The following CSMD2 variants were observed in gnomAD, a reference collection of about 807,000 sequenced individuals.
The protein encoded by CSMD2 is CUB and sushi domain-containing protein 2.
Under a neutral mutation model 398.5 loss-of-function variants are expected in CSMD2, and 130 were observed. The ratio of observed to expected loss-of-function variants is 0.33; its 90% CI spans 0.28 to 0.38. CSMD2 has a LOEUF of 0.38. Ranked by LOEUF, CSMD2 falls within the 10% of genes least tolerant of loss-of-function variation. The pLI is 1.00. For missense variants in CSMD2, 3,829 were observed against 4,764.9 expected, an observed-to-expected ratio of 0.80 and a Z score of 5.78; for synonymous variants, 1,828 against 1,908.5, an observed-to-expected ratio of 0.96 and a Z score of 1.10.
intron 53 of CSMD2, among the ~76,000 whole-genome samples, chr1:33,565,788 C>T (rs1659001589): frequency 6.6e-6 from 1 of 151,876 alleles, no homozygotes; most frequent in African/African-American, 2.4e-5. Context: ...TAAAAACCAC[C>T]ATGAAAATCA....
Position 33,583,796 on chromosome 1 carries a change from G to A in CSMD2, c.7086C>T (p.Ser2362=). The A allele has an allele frequency of 6.2e-7, 1 of 1,614,144 alleles. No individual in the cohort carries two copies. Among genetic ancestry groups the A allele is most frequent in the Non-Finnish European group, 8.5e-7 (1 of 1,180,034 alleles). The change falls in exon 47 of 71, where the codon TCC becomes TCT. Residue 2362 remains serine (S), a synonymous_variant. Coordinates refer to ENST00000373381, the MANE Select transcript of CSMD2 (RefSeq NM_001281956.2). ...HCPTNELLTD[S]TGVILSQSYP... is the part of the protein sequence containing the mutation. ...AGCTCTGGCTCAGGATCACGCCTGTGGAGTCTGTCAGAAGCTCATTTGTTG... is the reference window on the plus strand; with the variant it reads ...AGCTCTGGCTCAGGATCACGCCTGTAGAGTCTGTCAGAAGCTCATTTGTTG...
intron 6 of CSMD2, among the ~76,000 whole-genome samples, chr1:33,835,913 T>C (rs1660200097): frequency 6.6e-6 from 1 of 152,166 alleles, no homozygotes; most frequent in Admixed American, 6.5e-5. Context: ...TGAGGAGCTG[T>C]GTTCCTTTGG....
chr1:33,610,977 G>T, intron 41 of CSMD2, 64 bp downstream of exon 41: 1 of 1,484,126 alleles, frequency 6.7e-7, no homozygotes, highest in Non-Finnish European at 9.3e-7. Context: ...GGCTGGGAAG[G>T]TGGGTGGCTG....
chr1:33,998,630 T>G (rs1352359550), intron 3 of CSMD2, among the ~76,000 whole-genome samples: 1 of 152,232 alleles, frequency 6.6e-6, no homozygotes, highest in Non-Finnish European at 1.5e-5. Context: ...TGCTTCTCCC[T>G]GTGGCAGCCT....
At chr1:33,541,631 T>G (rs1312901669) in intron 58 of CSMD2, among the ~76,000 whole-genome samples, 3 of 152,214 alleles carry the variant, frequency 2.0e-5, no homozygotes, top group Non-Finnish European at 2.9e-5. Flanking sequence ...CACACCCAGC[T>G]TGCCCATTTT....
At chr1:33,539,124 C>T (rs1005304109) in intron 60 of CSMD2, among the ~76,000 whole-genome samples, 5 of 152,270 alleles carry the variant, frequency 3.3e-5, no homozygotes, top group African/African-American at 7.2e-5. Flanking sequence ...CCCGCCACCA[C>T]GCCCGGCTAA....
chr1:33,863,610 G>C (rs1015425599), intron 5 of CSMD2: 3 of 152,556 alleles, frequency 2.0e-5, no homozygotes, highest in African/African-American at 7.2e-5. Context: ...TAAACCCTTT[G>C]TATGGCATGA....
At chr1:33,811,994 G>C (rs962282048) in intron 9 of CSMD2, among the ~76,000 whole-genome samples, 28 of 152,138 alleles carry the variant, frequency 1.8e-4, no homozygotes, top group African/African-American at 6.5e-4. Flanking sequence ...AGAGCTCCTT[G>C]CCATGTGTGG....
chr1:33,725,901 C>T (rs371504839), intron 16 of CSMD2, among the ~76,000 whole-genome samples: 2 of 151,126 alleles, frequency 1.3e-5, no homozygotes, highest in Non-Finnish European at 2.9e-5. Flanking sequence ...GCTAAGGATG[C>T]TTTTTACATT....
At position 34,035,524 on chromosome 1, in the gene CSMD2, G is replaced by A. The variant is rs574195555; in HGVS notation, c.405-2818C>T. Among the ~76,000 whole-genome samples, 27 of 152,266 alleles carry A rather than the reference G, an allele frequency of 1.8e-4. 1 individual carries two copies. The highest frequency in any genetic ancestry group is 3.4e-4 in the Non-Finnish European group (23 of 68,006). ...TTACACCATAACCAAGTGGGGTTGT[G>A]TCTAAAGATGCAAGGCTGGTTCAAC... is the stretch of plus-strand genomic sequence containing the variant. On this transcript the variant is annotated intron_variant, in intron 2 of 70. Coordinates refer to ENST00000373381, the MANE Select transcript of CSMD2 (RefSeq NM_001281956.2).
At chr1:34,081,842 C>T (rs1657185834) in intron 2 of CSMD2, among the ~76,000 whole-genome samples, 2 of 152,084 alleles carry the variant, frequency 1.3e-5, no homozygotes, top group Non-Finnish European at 2.9e-5. Flanking sequence ...AAGTGAGGAG[C>T]GTCTCTAACT....
At chr1:33,560,009 A>C (rs988193426) in intron 53 of CSMD2, among the ~76,000 whole-genome samples, 1 of 152,190 alleles carries the variant, frequency 6.6e-6, no homozygotes, top group African/African-American at 2.4e-5. Context: ...CTTCCATGGC[A>C]AGGGAGTTCA....
intron 10 of CSMD2, among the ~76,000 whole-genome samples, chr1:33,803,541 C>A (rs1009094700): frequency 8.5e-5 from 13 of 152,204 alleles, no homozygotes; most frequent in African/African-American, 3.1e-4. Context: ...TAAATATAGG[C>A]CGAGTACCTA....
chr1:34,003,087 G>A (rs770424520), intron 3 of CSMD2, among the ~76,000 whole-genome samples: 6 of 152,052 alleles, frequency 3.9e-5, no homozygotes, highest in Admixed American at 2.0e-4. Flanking sequence ...AGGTCTAAGC[G>A]AGCTCCAAGG....
At chr1:33,521,932 G>T (rs1654341086) in intron 67 of CSMD2, among the ~76,000 whole-genome samples, 1 of 152,172 alleles carries the variant, frequency 6.6e-6, no homozygotes, top group African/African-American at 2.4e-5. Context: ...TACATGCATG[G>T]TAGCTGTTAT....
chr1:34,068,814 G>T (rs992831037), intron 2 of CSMD2, among the ~76,000 whole-genome samples: 8 of 152,150 alleles, frequency 5.3e-5, no homozygotes, highest in Non-Finnish European at 1.2e-4. Flanking sequence ...AATGAGTCTT[G>T]TGAGATCTGA....
At chr1:33,714,193 G>A (rs1002259666) in intron 21 of CSMD2, among the ~76,000 whole-genome samples, 1 of 152,198 alleles carries the variant, frequency 6.6e-6, no homozygotes, top group Admixed American at 6.5e-5. Context: ...CCTGGGCAAA[G>A]GTCATATACC....
intron 37 of CSMD2, among the ~76,000 whole-genome samples, chr1:33,618,060 G>T (rs1641515888): frequency 1.4e-5 from 2 of 143,736 alleles, no homozygotes; most frequent in Admixed American, 1.4e-4. Context: ...AGGTCAAGAA[G>T]GAAGGAGAGC....
intron 19 of CSMD2, among the ~76,000 whole-genome samples, chr1:33,719,449 G>A (rs1167629885): frequency 6.6e-6 from 1 of 152,196 alleles, no homozygotes; most frequent in Non-Finnish European, 1.5e-5. Context: ...TTTCCCAGCT[G>A]CGCTGACTGC....
Sources: allele counts gnomAD v4.1 joint callset (sites outside exome capture counted in the v4.1 genomes callset), GRCh38; gene constraint gnomAD v4.1.1; transcripts MANE v1.5; gene names NCBI Gene and HGNC (gene_info 2026-07-23, HGNC 2026-07-21).